The following FLRT2 variants were observed in gnomAD, a reference collection of about 807,000 sequenced individuals.
FLRT2 encodes the protein fibronectin leucine rich transmembrane protein 2, also known as leucine-rich repeat transmembrane protein FLRT2.
In FLRT2, 15 loss-of-function variants were observed where a neutral mutation model predicts 40.0. That is an observed-to-expected ratio of 0.38 (90% CI 0.25 to 0.58). The LOEUF (loss-of-function observed/expected upper bound fraction) is 0.58. Among genes scored for constraint, FLRT2 ranks in the 20% least tolerant of loss-of-function variants. FLRT2 has a pLI of 0.71. For missense variants in FLRT2, 726 were observed against 840.0 expected (o/e 0.86, Z 1.68); for synonymous variants, 380 against 336.8 (o/e 1.13, Z -1.41).
At chr14:85,606,988 CA>C (rs1892652112) in intron 1 of FLRT2, among the ~76,000 whole-genome samples, 1 of 150,636 alleles carries the variant, frequency 6.6e-6, no homozygotes, top group Non-Finnish European at 1.5e-5. Context: ...TTTAATACTA[CA>C]GATCTACTGT....
At chr14:85,550,003 C>G (rs1304069226) in intron 1 of FLRT2, among the ~76,000 whole-genome samples, 2 of 150,516 alleles carry the variant, frequency 1.3e-5, no homozygotes, top group African/African-American at 4.9e-5. Flanking sequence ...TTTGGATATG[C>G]TTGTTGAAGA....
rs1379082082 is a variant in FLRT2 at position 85,622,864 on chromosome 14, C to G, written c.1350C>G (p.Tyr450Ter). 1 of 1,614,192 alleles carries G rather than the reference C, an allele frequency of 6.2e-7. No individual in the cohort carries two copies. ...SWLSLFTVMA[Y>*]KLTWVKMGHS... ...TCTCTCTCTTCACCGTGATGGCATA[C>G]AAACTCACATGGGTGAAAATGGGCC... Residue 450 changes from tyrosine (Y) to a stop codon, truncating the protein, a stop_gained, in exon 2 of 2, where the codon TAC becomes TAG. Transcript: ENST00000330753. LOFTEE classifies it high-confidence loss of function.
chr14:85,591,583 C>G (rs928997733), intron 1 of FLRT2, among the ~76,000 whole-genome samples: 1 of 152,216 alleles, frequency 6.6e-6, no homozygotes, highest in Non-Finnish European at 1.5e-5. Flanking sequence ...GGACACACCA[C>G]AGCCCTGCCT....
chr14:85,615,167 T>C (rs555975971), intron 1 of FLRT2, among the ~76,000 whole-genome samples: 4 of 152,208 alleles, frequency 2.6e-5, no homozygotes, highest in Admixed American at 2.0e-4. Context: ...AGTTCCAGAT[T>C]TTAAAGGGAG....
chr14:85,637,076 A>G lies in FLRT2; in HGVS notation c.*13579A>G, dbSNP rs1894027121. ...TGACATACATTTTTAGGGAAAAACT[A>G]GCAACATGTTTTGTGGAGATAAATG... On this transcript the variant is annotated 3_prime_UTR_variant, in exon 2 of 2. Transcript: ENST00000330753. 6.6e-6 allele frequency: 1 copy of G among 152,316 alleles called. No individual in the cohort carries two copies. The highest frequency in any genetic ancestry group is 1.9e-4 in the East Asian group (1 of 5,188). The allele number at this position is 152,316 out of a possible 1,614,324, so 9.4% of individuals were successfully genotyped here.
chr14:85,583,862 C>G (rs573443163), intron 1 of FLRT2, among the ~76,000 whole-genome samples: 4 of 151,566 alleles, frequency 2.6e-5, no homozygotes, highest in African/African-American at 9.7e-5. Flanking sequence ...TGCAAAGGTG[C>G]GCCTGTAATC....
At chr14:85,593,045 A>C (rs1309206948) in intron 1 of FLRT2, among the ~76,000 whole-genome samples, 2 of 152,198 alleles carry the variant, frequency 1.3e-5, no homozygotes, top group Admixed American at 6.5e-5. Flanking sequence ...ACCTTCATCT[A>C]CTGTACACTA....
intron 1 of FLRT2, among the ~76,000 whole-genome samples, chr14:85,608,885 A>G (rs1387092169): frequency 1.3e-5 from 2 of 152,104 alleles, no homozygotes; most frequent in African/African-American, 4.8e-5. Context: ...AAAAGCTACA[A>G]ATCTCATTAG....
At chr14:85,540,543 G>C (rs941328570) in intron 1 of FLRT2, among the ~76,000 whole-genome samples, 57 of 152,142 alleles carry the variant, frequency 3.7e-4, no homozygotes, top group African/African-American at 1.3e-3. Flanking sequence ...ATAGTTGAAG[G>C]CTTCAGAAAA....
intron 1 of FLRT2, among the ~76,000 whole-genome samples, chr14:85,547,514 G>C (rs1889349655): frequency 6.6e-6 from 1 of 151,908 alleles, no homozygotes; most frequent in South Asian, 2.1e-4. Context: ...AGTAGAGATG[G>C]GGTTTCACCA....
At chr14:85,548,405 T>C (rs1889404155) in intron 1 of FLRT2, among the ~76,000 whole-genome samples, 1 of 152,202 alleles carries the variant, frequency 6.6e-6, no homozygotes, top group South Asian at 2.1e-4. Flanking sequence ...ATATTCCAAA[T>C]GCATCATAAG....
chr14:85,556,627 G>A (rs1889978533), intron 1 of FLRT2, among the ~76,000 whole-genome samples: 1 of 152,166 alleles, frequency 6.6e-6, no homozygotes, highest in Non-Finnish European at 1.5e-5. Flanking sequence ...CTGTAGACAA[G>A]TTACTTATTT....
intron 1 of FLRT2, among the ~76,000 whole-genome samples, chr14:85,610,496 C>T (rs1892810687): frequency 6.6e-6 from 1 of 152,164 alleles, no homozygotes; most frequent in African/African-American, 2.4e-5. Context: ...AATGGATTAC[C>T]AAAGCCATAA....
At position 85,638,534 on chromosome 14, in the gene FLRT2, T is replaced by A. The variant is rs12891273; in HGVS notation, c.*15037T>A. ...TGTCAGCTGCAAAAACCCTCCCAAG[T>A]AAGCCTCTTGTATGCTACTCTGTCT... On this transcript the variant is annotated 3_prime_UTR_variant, in exon 2 of 2. Transcript: ENST00000330753. 2 of 152,000 alleles carry A rather than the reference T, an allele frequency of 1.3e-5. No homozygotes were observed. The highest frequency in any genetic ancestry group is 3.9e-4 in the East Asian group (2 of 5,168). The allele number at this position is 152,000 out of a possible 1,614,324, so 9.4% of individuals were successfully genotyped here. A position where few individuals can be genotyped will look rare whatever the true frequency, so the allele number is the denominator to read the frequency against.
At position 85,637,109 on chromosome 14, in the gene FLRT2, A is replaced by ATTTATGTGTT. The variant is rs1448540212; in HGVS notation, c.*13615_*13616insATGTGTTTTT. On this transcript the variant is annotated 3_prime_UTR_variant, in exon 2 of 2. Coordinates refer to ENST00000330753, the MANE Select transcript of FLRT2 (RefSeq NM_013231.6). ...GTTTTGTGGAGATAAATGTAAACAC[A>ATTTATGTGTT]TTTTACACATACAAATCTTTTCTGG... The ATTTATGTGTT allele has an allele frequency of 6.6e-6, 1 of 152,172 alleles. No individual in the cohort carries two copies. The highest frequency in any genetic ancestry group is 1.5e-5 in the Non-Finnish European group (1 of 68,030). 9.4% of individuals were successfully genotyped at this position (152,172 alleles called of 1,614,324 possible).
rs146568257 is a variant in FLRT2 at position 85,622,930 on chromosome 14, C to A, written c.1416C>A (p.Ser472Arg). Residue 472 changes from serine to arginine, a missense_variant, in exon 2 of 2, where the codon AGC becomes AGA. By Grantham distance (110) the Ser-to-Arg change is moderately radical. This residue lies in a region of FLRT2 where 611 missense variants were observed against 690.0 expected (regional missense o/e 0.89). Transcript: ENST00000330753. Reference sequence around the variant, plus strand: ...GCATCGTTCAGGAGCGCATAGTCAGCGGTGAGAAGCAACACCTGAGCCTGG... The same window carrying A: ...GCATCGTTCAGGAGCGCATAGTCAGAGGTGAGAAGCAACACCTGAGCCTGG... The part of the protein sequence containing the change: ...VGGIVQERIV[S>R]GEKQHLSLVN... The A allele has an allele frequency of 6.2e-7, 1 of 1,614,134 alleles. No homozygotes were observed. Among genetic ancestry groups the A allele is most frequent in the East Asian group, 2.2e-5 (1 of 44,872 alleles).
chr14:85,610,442 A>G (rs1217760186), intron 1 of FLRT2, among the ~76,000 whole-genome samples: 1 of 152,094 alleles, frequency 6.6e-6, no homozygotes, highest in African/African-American at 2.4e-5. Flanking sequence ...CCTTCTCACC[A>G]TACCTTCCCT....
chr14:85,552,199 A>G (rs1405248661), intron 1 of FLRT2, among the ~76,000 whole-genome samples: 2 of 152,192 alleles, frequency 1.3e-5, no homozygotes, highest in East Asian at 1.9e-4. Flanking sequence ...TCTGATTCTC[A>G]GAATCTAGGG....
intron 1 of FLRT2, among the ~76,000 whole-genome samples, chr14:85,606,528 T>C (rs1448754362): frequency 1.4e-5 from 2 of 147,616 alleles, no homozygotes; most frequent in Admixed American, 6.8e-5. Flanking sequence ...ACTCTTTTTT[T>C]TTTTTTTTTT....
Sources: gnomAD v4.1 joint callset for allele counts (sites outside exome capture counted in the v4.1 genomes callset) on GRCh38, gnomAD v4.1.1 for gene constraint, gnomAD v4.1.1 regional missense constraint, MANE v1.5 for transcripts, NCBI Gene and HGNC (gene_info 2026-07-23, HGNC 2026-07-21) for gene names.